PBX1: variants seen among roughly 807,000 people sequenced by gnomAD.
PBX1 encodes pre-B-cell leukemia transcription factor 1.
PBX1 carries 6 observed loss-of-function variants against 53.4 expected under a neutral mutation model. The observed-to-expected ratio is 0.11, with a 90% confidence interval of 0.06 to 0.22. The LOEUF (loss-of-function observed/expected upper bound fraction) is 0.22. Ranked by LOEUF, PBX1 falls within the 10% of genes least tolerant of loss-of-function variation. The pLI is 1.00. For synonymous variants in PBX1, 204 were observed against 212.3 expected (o/e 0.96, Z 0.34); for missense variants, 251 against 551.4 (o/e 0.46, Z 5.46).
At chr1:164,664,996 T>G (rs570942510) in intron 2 of PBX1, among the ~76,000 whole-genome samples, 1 of 152,260 alleles carries the variant, frequency 6.6e-6, no homozygotes, top group South Asian at 2.1e-4. Flanking sequence ...TGTTGCAGGG[T>G]CTTAGAAAAG....
At chr1:164,823,360 C>A (rs1437472860) in intron 8 of PBX1, among the ~76,000 whole-genome samples, 1 of 151,266 alleles carries the variant, frequency 6.6e-6, no homozygotes, top group Non-Finnish European at 1.5e-5. Flanking sequence ...TTTATACACA[C>A]ATGCATTTAT....
chr1:164,820,005 GC>G, intron 6 of PBX1, 66 bp from the exon 7 acceptor site: 1 of 868,714 alleles, frequency 1.2e-6, no homozygotes, highest in South Asian at 1.5e-5. Context: ...CTTCCTCTTG[GC>G]TGTTAGTTGC....
chr1:164,802,232 A>C (rs1387534360), intron 4 of PBX1, among the ~76,000 whole-genome samples: 1 of 152,228 alleles, frequency 6.6e-6, no homozygotes, highest in African/African-American at 2.4e-5. Context: ...TTAAAACAAC[A>C]CAAGTTTATT....
intron 2 of PBX1, among the ~76,000 whole-genome samples, chr1:164,695,384 T>G (rs1413112133): frequency 6.6e-6 from 1 of 152,190 alleles, no homozygotes; most frequent in Non-Finnish European, 1.5e-5. Flanking sequence ...CATCATATGC[T>G]ACAAATATAC....
At chr1:164,825,045 T>C (rs1670383775) in intron 8 of PBX1, among the ~76,000 whole-genome samples, 1 of 152,210 alleles carries the variant, frequency 6.6e-6, no homozygotes, top group East Asian at 1.9e-4. Flanking sequence ...CTCTTACATC[T>C]GGGCCCAGCC....
At chr1:164,674,534 G>T (rs182468313) in intron 2 of PBX1, 1 of 152,270 alleles carries the variant, frequency 6.6e-6, no homozygotes, top group East Asian at 1.9e-4. Context: ...TAGGAGCCAA[G>T]GAGTCCTGAG....
At chr1:164,707,190 G>A (rs1663468451) in intron 2 of PBX1, among the ~76,000 whole-genome samples, 1 of 152,202 alleles carries the variant, frequency 6.6e-6, no homozygotes, top group Non-Finnish European at 1.5e-5. Context: ...CAGATTATGG[G>A]AGGGAGCGTC....
In PBX1 at chr1:164,850,952, C is replaced by T. The variant is rs148544292; in HGVS notation, c.*4276C>T. The T allele has an allele frequency of 1.8e-4, 39 of 215,136 alleles. No homozygotes were observed. The highest frequency in any genetic ancestry group is 1.2e-3 in the East Asian group (18 of 14,590). The allele number at this position is 215,136 out of a possible 1,614,324, so 13.3% of individuals were successfully genotyped here. A position where few individuals can be genotyped will look rare whatever the true frequency, so the allele number is the denominator to read the frequency against. On this transcript the variant is annotated 3_prime_UTR_variant, in exon 9 of 9. Coordinates refer to ENST00000420696, the MANE Select transcript of PBX1 (RefSeq NM_002585.4). ...GAGGCCTTTTCTTCCAGGAGAGTCC[C>T]GCAGGAGATGCTGGTATGATGGGCA...
intron 8 of PBX1, among the ~76,000 whole-genome samples, chr1:164,833,333 G>T (rs774188950): frequency 1.1e-4 from 17 of 152,172 alleles, no homozygotes; most frequent in Admixed American, 2.0e-4. Flanking sequence ...CTTTTCTTCA[G>T]ATCACAGGTT....
intron 2 of PBX1, among the ~76,000 whole-genome samples, chr1:164,719,627 T>C (rs1229128824): frequency 6.6e-6 from 1 of 152,194 alleles, no homozygotes; most frequent in Admixed American, 6.5e-5. Flanking sequence ...TGCTATGCCA[T>C]GTCCCAGTGA....
At chr1:164,724,103 C>T (rs2102115339) in intron 2 of PBX1, among the ~76,000 whole-genome samples, 1 of 152,282 alleles carries the variant, frequency 6.6e-6, no homozygotes, top group South Asian at 2.1e-4. Context: ...TTGATTTACC[C>T]TTCCCTGGCC....
intron 2 of PBX1, among the ~76,000 whole-genome samples, chr1:164,775,243 C>T (rs1203592020): frequency 6.6e-6 from 1 of 152,168 alleles, no homozygotes; most frequent in Non-Finnish European, 1.5e-5. Flanking sequence ...ACTTTTGCCC[C>T]TAGGACCCAC....
At chr1:164,680,047 C>G (rs1420093492) in intron 2 of PBX1, 1 of 152,048 alleles carries the variant, frequency 6.6e-6, no homozygotes, top group Non-Finnish European at 1.5e-5. Context: ...AGAGTAAGAC[C>G]ATGGAGTAGA....
At chr1:164,773,306 C>T (rs1490707764) in intron 2 of PBX1, among the ~76,000 whole-genome samples, 1 of 146,504 alleles carries the variant, frequency 6.8e-6, no homozygotes, top group Non-Finnish European at 1.5e-5. Flanking sequence ...TCTTGCCTTC[C>T]ACTGTCAGAT....
At chr1:164,805,682 G>A (rs1032899657) in intron 4 of PBX1, among the ~76,000 whole-genome samples, 1 of 152,182 alleles carries the variant, frequency 6.6e-6, no homozygotes, top group Non-Finnish European at 1.5e-5. Flanking sequence ...GAAGCCAAAG[G>A]TTATCTAAAG....
intron 2 of PBX1, among the ~76,000 whole-genome samples, chr1:164,634,254 G>A (rs1658598040): frequency 6.6e-6 from 1 of 152,202 alleles, no homozygotes. Context: ...CTTGAGGGAT[G>A]TGGCCAGGTG....
chr1:164,670,533 C>T (rs1557930631), intron 2 of PBX1, among the ~76,000 whole-genome samples: 1 of 152,162 alleles, frequency 6.6e-6, no homozygotes, highest in South Asian at 2.1e-4. Context: ...TCCTTGCAGA[C>T]ATTCTGACAT....
chr1:164,780,937 C>A (rs116419624), intron 2 of PBX1, among the ~76,000 whole-genome samples: 1 of 152,180 alleles, frequency 6.6e-6, no homozygotes, highest in Non-Finnish European at 1.5e-5. Flanking sequence ...AGGCTTAGTG[C>A]GTTCAGGGGC....
chr1:164,773,394 G>A (rs1667484699), intron 2 of PBX1, among the ~76,000 whole-genome samples: 1 of 152,056 alleles, frequency 6.6e-6, no homozygotes, highest in African/African-American at 2.4e-5. Flanking sequence ...CTGACACACG[G>A]TATATCTTCA....
Sources: allele counts gnomAD v4.1 joint callset (sites outside exome capture counted in the v4.1 genomes callset), GRCh38; gene constraint gnomAD v4.1.1; transcripts MANE v1.5; gene names NCBI Gene and HGNC (gene_info 2026-07-23, HGNC 2026-07-21).